Variants in CD96 observed in about 807,000 individuals in gnomAD.
CD96 encodes the protein CD96 molecule, also known as T-cell surface protein tactile.
CD96 carries 70 observed loss-of-function variants against 71.3 expected under a neutral mutation model. The ratio of observed to expected loss-of-function variants is 0.98; its 90% CI spans 0.81 to 1.20. The LOEUF (loss-of-function observed/expected upper bound fraction) is 1.20, where lower values mean the gene tolerates loss of function less well. CD96 is among the 50% of genes most tolerant of loss of function. The pLI, the probability that CD96 is intolerant of heterozygous loss-of-function variation, is 0.00. For missense variants in CD96, 742 were observed against 677.5 expected (o/e 1.10, Z -1.06); for synonymous variants, 248 against 233.0 (o/e 1.06, Z -0.59).
At chr3:111,617,203 A>G (rs1406154457) in intron 8 of CD96, among the ~76,000 whole-genome samples, 1 of 152,184 alleles carries the variant, frequency 6.6e-6, no homozygotes, top group African/African-American at 2.4e-5. Flanking sequence ...TGGGCTATGG[A>G]AGGCATGATG....
At position 111,649,766 on chromosome 3, in the gene CD96, A is replaced by G. The variant is rs763465915; in HGVS notation, c.1670A>G (p.Asn557Ser). 4 of 1,613,886 alleles carry G rather than the reference A, an allele frequency of 2.5e-6. No individual in the cohort carries two copies. The highest frequency in any genetic ancestry group is 3.3e-4 in the Middle Eastern group (2 of 6,056). ...PIKYTCIQEPNESDLPYHEME... is the reference protein window; with the variant it reads ...PIKYTCIQEPSESDLPYHEME... ...AAGTACACTTGCATTCAAGAGCCCA[A>G]CGAAAGTGATCTGCCTTATCATGAG... The change falls in exon 14 of 14, where the codon AAC becomes AGC. Residue 557 changes from asparagine to serine, a missense_variant. By Grantham distance (46) the Asn-to-Ser change is conservative (BLOSUM62 1). Transcript: ENST00000352690.
At position 111,545,396 on chromosome 3, in the gene CD96, A is replaced by G; in HGVS notation, c.412A>G (p.Thr138Ala). ...TAAAATCTACAACCTTCTCATTCAG[A>G]CACACGGTAAGCATAACTGGTAGAG... ...QTKIYNLLIQTHVTADEWNSN... is the reference protein window; with the variant it reads ...QTKIYNLLIQAHVTADEWNSN... Residue 138 changes from threonine (T) to alanine (A), a missense_variant, in exon 2 of 14, where the codon ACA becomes GCA. By Grantham distance (58) the Thr-to-Ala change is moderately conservative (BLOSUM62 0). Transcript: ENST00000352690. 1 of 1,569,894 alleles carries G rather than the reference A, an allele frequency of 6.4e-7. No individual in the cohort carries two copies. Among genetic ancestry groups the G allele is most frequent in the East Asian group, 2.2e-5 (1 of 44,680 alleles).
chr3:111,648,543 A>G (rs1939939156), intron 13 of CD96, among the ~76,000 whole-genome samples: 2 of 152,198 alleles, frequency 1.3e-5, no homozygotes, highest in South Asian at 4.1e-4. Flanking sequence ...ACAAAAGTAA[A>G]ACAAAAGTGC....
chr3:111,649,565 G>A (rs1041168276), intron 13 of CD96, 133 bp from the exon 14 acceptor site: 3 of 736,186 alleles, frequency 4.1e-6, no homozygotes, highest in South Asian at 3.0e-5. Context: ...CAAAAATGCT[G>A]AAAGAACTGG....
intron 10 of CD96, among the ~76,000 whole-genome samples, chr3:111,627,503 A>C (rs942427328): frequency 2.0e-5 from 3 of 152,170 alleles, no homozygotes; most frequent in Admixed American, 2.0e-4. Context: ...CAGAGTTCTA[A>C]TTTCTTCCTG....
At chr3:111,575,093 C>T (rs980732584) in intron 3 of CD96, among the ~76,000 whole-genome samples, 2 of 152,120 alleles carry the variant, frequency 1.3e-5, no homozygotes, top group Non-Finnish European at 2.9e-5. Flanking sequence ...CAAATCCAGC[C>T]CTTAAGTAGA....
intron 5 of CD96, among the ~76,000 whole-genome samples, chr3:111,596,561 TA>T (rs1169948554): frequency 6.6e-6 from 1 of 152,212 alleles, no homozygotes; most frequent in East Asian, 1.9e-4. Context: ...GTGGGTTAAC[TA>T]AAGAGAAAGG....
intron 2 of CD96, among the ~76,000 whole-genome samples, chr3:111,548,267 G>T (rs749281492): frequency 3.9e-5 from 6 of 152,140 alleles, no homozygotes; most frequent in Non-Finnish European, 7.4e-5. Flanking sequence ...TCTCTTGTCT[G>T]CTCACAACAC....
intron 5 of CD96, 43 bp downstream of exon 5, chr3:111,585,421 T>C: frequency 7.8e-7 from 1 of 1,276,844 alleles, no homozygotes; most frequent in Non-Finnish European, 1.1e-6. Flanking sequence ...GTATTACATG[T>C]AAGGTGTGTC....
chr3:111,600,615 G>C (rs1937448174), intron 6 of CD96, 111 bp from the exon 7 acceptor site: 1 of 797,154 alleles, frequency 1.3e-6, no homozygotes, highest in South Asian at 1.5e-5. Flanking sequence ...GCTGCCATTT[G>C]ACCACTTTAG....
chr3:111,605,737 C>G lies in CD96; in HGVS notation c.1088-963C>G, dbSNP rs565394042. On this transcript the variant is annotated intron_variant, in intron 7 of 13. Transcript: ENST00000352690. ...CATACATGCATCTAGCTTAGAAAAACCAATTCCTCCCACGGGGCTATGTGC... is the reference window on the plus strand; with the variant it reads ...CATACATGCATCTAGCTTAGAAAAAGCAATTCCTCCCACGGGGCTATGTGC... Among the ~76,000 whole-genome samples, 23 of 152,276 alleles carry G rather than the reference C, an allele frequency of 1.5e-4. No individual in the cohort carries two copies. The Middle Eastern group carries it at 0.01, about 68-fold the overall frequency.
In CD96 at chr3:111,624,331, A is replaced by T. The variant is rs1938642931; in HGVS notation, c.1250-2A>T. 6.2e-7 allele frequency: 1 copy of T among 1,604,016 alleles called. No homozygotes were observed. Among genetic ancestry groups the T allele is most frequent in the South Asian group, 1.1e-5 (1 of 90,866 alleles). On this transcript the variant is annotated splice_acceptor_variant, in intron 9 of 13. Transcript: ENST00000352690. LOFTEE classifies it high-confidence loss of function. ...GATTCTGAAAATAATTTTGTCTTTC[A>T]GCCAGCAATTCCAGTATGACTACCC...
chr3:111,574,613 A>G (rs1420663885), intron 3 of CD96, among the ~76,000 whole-genome samples: 1 of 152,158 alleles, frequency 6.6e-6, no homozygotes, highest in Non-Finnish European at 1.5e-5. Context: ...TTCAGCAGTT[A>G]TCATGCTAAT....
chr3:111,636,236 A>G (rs1939322460), intron 10 of CD96, among the ~76,000 whole-genome samples: 1 of 152,156 alleles, frequency 6.6e-6, no homozygotes, highest in Admixed American at 6.5e-5. Flanking sequence ...CCTCTTCTGG[A>G]GGGCCTGATC....
chr3:111,555,694 G>A (rs1362494928), intron 2 of CD96, among the ~76,000 whole-genome samples: 2 of 152,292 alleles, frequency 1.3e-5, no homozygotes, highest in Non-Finnish European at 2.9e-5. Context: ...TGATTATGAT[G>A]TGTCTTTTGG....
intron 8 of CD96, among the ~76,000 whole-genome samples, chr3:111,609,283 C>T (rs1270827118): frequency 1.3e-5 from 2 of 152,022 alleles, no homozygotes; most frequent in Non-Finnish European, 2.9e-5. Flanking sequence ...GCCTTGAGCC[C>T]CAGTTTAAGG....
chr3:111,618,928 A>G (rs1255614725), intron 8 of CD96, among the ~76,000 whole-genome samples: 5 of 152,046 alleles, frequency 3.3e-5, no homozygotes, highest in Non-Finnish European at 7.4e-5. Context: ...CTACTTTGCA[A>G]CTGCTCACTT....
chr3:111,586,943 A>G (rs938381816), intron 5 of CD96, among the ~76,000 whole-genome samples: 1 of 152,158 alleles, frequency 6.6e-6, no homozygotes, highest in Non-Finnish European at 1.5e-5. Flanking sequence ...TCATTGCAGC[A>G]TTAACTCAAA....
chr3:111,572,553 T>C (rs1171358254), intron 3 of CD96, among the ~76,000 whole-genome samples: 1 of 152,172 alleles, frequency 6.6e-6, no homozygotes. Flanking sequence ...AGCCTATTGT[T>C]CTTACAAACA....
Sources: gnomAD v4.1 joint callset for allele counts (sites outside exome capture counted in the v4.1 genomes callset) on GRCh38, gnomAD v4.1.1 for gene constraint, MANE v1.5 for transcripts, NCBI Gene and HGNC (gene_info 2026-07-23, HGNC 2026-07-21) for gene names.